DMD: variants seen among roughly 807,000 people sequenced by gnomAD.
DMD encodes the protein mutant dystrophin.
Under a neutral mutation model 330.1 loss-of-function variants are expected in DMD, and 63 were observed. That is an observed-to-expected ratio of 0.19 (90% confidence interval 0.16 to 0.24). The LOEUF (loss-of-function observed/expected upper bound fraction) is 0.24, where lower values mean the gene tolerates loss of function less well. DMD is among the 10% of genes least tolerant of loss of function. DMD has a pLI of 1.00. For synonymous variants in DMD, 1,223 were observed against 959.8 expected (o/e 1.27, Z -5.07); for missense variants, 3,344 against 2,684.1 (o/e 1.25, Z -5.43).
intron 55 of DMD, among the ~76,000 whole-genome samples, chrX:31,567,902 T>G (rs1434825931): frequency 9.0e-6 from 1 of 111,454 alleles, no homozygotes; most frequent in African/African-American, 3.2e-5. Flanking sequence ...TTAAGGAAGC[T>G]TAATCTTTAA....
chrX:32,592,070 G>C (rs192412666), intron 13 of DMD, among the ~76,000 whole-genome samples: 62 of 111,839 alleles, frequency 5.5e-4, no homozygotes, highest in African/African-American at 2.0e-3. Flanking sequence ...TTCGGTGTGG[G>C]CCTGCAGGTA....
chrX:33,141,444 T>G (rs1166180325), intron 1 of DMD, among the ~76,000 whole-genome samples: 5 of 111,629 alleles, frequency 4.5e-5, no homozygotes, highest in Non-Finnish European at 7.5e-5. Flanking sequence ...TTTGCTGCTC[T>G]CACCAATACA....
chrX:33,051,492 G>C (rs1450311512), intron 1 of DMD, among the ~76,000 whole-genome samples: 1 of 109,601 alleles, frequency 9.1e-6, no homozygotes, highest in Non-Finnish European at 1.9e-5. Context: ...GATTACAGGA[G>C]TGAGCCCCTG....
In DMD at chrX:33,211,520, A is replaced by G. The variant is rs758680430; in HGVS notation, c.-208T>C. 5 of 1,075,380 alleles carry G rather than the reference A, an allele frequency of 4.6e-6. No homozygotes were observed. Among genetic ancestry groups the G allele is most frequent in the Non-Finnish European group, 6.0e-6 (5 of 829,014 alleles). 88.6% of individuals were successfully genotyped at this position (1,075,380 alleles called of 1,213,427 possible). Reference sequence around the variant, plus strand: ...CTGTAGGGGGAAAGTGAGTGATCCCAACACTGAGTGAGTCAACACAGTAAC... The same window carrying G: ...CTGTAGGGGGAAAGTGAGTGATCCCGACACTGAGTGAGTCAACACAGTAAC... On this transcript the variant is annotated 5_prime_UTR_variant, in exon 1 of 79. Coordinates refer to ENST00000357033, the MANE Select transcript of DMD (RefSeq NM_004006.3).
intron 51 of DMD, among the ~76,000 whole-genome samples, chrX:31,769,673 C>CTT (rs1733470213): frequency 8.9e-6 from 1 of 112,053 alleles, no homozygotes; most frequent in Admixed American, 9.5e-5. Context: ...ACATTCAAAG[C>CTT]CATCCTGGGA....
At chrX:32,076,086 A>G (rs201237850) in intron 44 of DMD, among the ~76,000 whole-genome samples, 244 of 81,714 alleles carry the variant, frequency 3.0e-3, no homozygotes, top group East Asian at 0.012. Flanking sequence ...AAAAAAAAAA[A>G]AGAGAGAGAG....
intron 2 of DMD, among the ~76,000 whole-genome samples, chrX:32,933,434 A>G (rs2089753863): frequency 8.9e-6 from 1 of 112,121 alleles, no homozygotes; most frequent in Non-Finnish European, 1.9e-5. Context: ...GAACTGTAGG[A>G]AATTCAATGC....
At chrX:33,055,666 C>T (rs1001452824) in intron 1 of DMD, among the ~76,000 whole-genome samples, 1 of 111,359 alleles carries the variant, frequency 9.0e-6, no homozygotes, top group Non-Finnish European at 1.9e-5. Context: ...CCAGGACTTG[C>T]GGGCTACTAT....
At chrX:31,167,600 T>C (rs983102085) in intron 74 of DMD, among the ~76,000 whole-genome samples, 5 of 112,000 alleles carry the variant, frequency 4.5e-5, no homozygotes, top group African/African-American at 1.6e-4. Context: ...CCTACAATAA[T>C]TACAGATTTA....
chrX:31,606,183 C>A (rs958392991), intron 55 of DMD, among the ~76,000 whole-genome samples: 1 of 111,734 alleles, frequency 8.9e-6, no homozygotes, highest in Non-Finnish European at 1.9e-5. Flanking sequence ...TTCCCCTTCA[C>A]CTTCTGCCAT....
At chrX:31,769,860 A>G (rs978820502) in intron 51 of DMD, among the ~76,000 whole-genome samples, 2 of 111,946 alleles carry the variant, frequency 1.8e-5, no homozygotes, top group Non-Finnish European at 3.8e-5. Context: ...TCTATTGTCA[A>G]TAGAACCCAG....
chrX:32,878,436 T>C (rs1301149757), intron 2 of DMD, among the ~76,000 whole-genome samples: 1 of 111,936 alleles, frequency 8.9e-6, no homozygotes, highest in Non-Finnish European at 1.9e-5. Context: ...GACAGAATGT[T>C]AGAGTTCAAA....
chrX:31,348,333 A>G, intron 61 of DMD: 1 of 433,735 alleles, frequency 2.3e-6, no homozygotes, highest in Non-Finnish European at 4.1e-6. Context: ...TGCAGGAAAC[A>G]ATTATGCATT....
At chrX:32,895,514 C>T (rs1256868663) in intron 2 of DMD, among the ~76,000 whole-genome samples, 5 of 111,188 alleles carry the variant, frequency 4.5e-5, no homozygotes, top group Non-Finnish European at 7.5e-5. Context: ...GAGTTTTGGG[C>T]GTCAAGGTTG....
chrX:32,173,066 G>GGTGTGTGTGT (rs3040089), intron 44 of DMD, among the ~76,000 whole-genome samples: 2,245 of 89,560 alleles, frequency 0.025, 49 homozygotes, highest in African/African-American at 0.053. Context: ...ACCTGATTTT[G>GGTGTGTGTGT]GTGTGTGTGT....
At chrX:31,243,689 A>G (rs555166890) in intron 63 of DMD, among the ~76,000 whole-genome samples, 15 of 112,916 alleles carry the variant, frequency 1.3e-4, no homozygotes, top group African/African-American at 4.8e-4. Flanking sequence ...TGGGAAGGAC[A>G]TGGTTAGATT....
chrX:31,812,042 A>AT (rs200812146), intron 50 of DMD, among the ~76,000 whole-genome samples: 8,745 of 102,908 alleles, frequency 0.085, 284 homozygotes, highest in Middle Eastern at 0.1. Context: ...TAAATTAACC[A>AT]TTTTTTTTTT....
intron 17 of DMD, among the ~76,000 whole-genome samples, chrX:32,532,120 T>C (rs986780038): frequency 2.7e-5 from 3 of 111,249 alleles, no homozygotes; most frequent in Non-Finnish European, 5.7e-5. Context: ...CATGGTGAGC[T>C]CCAAAAGTCT....
At chrX:32,698,078 T>C in intron 8 of DMD, 80 bp from the exon 9 acceptor site, 1 of 1,022,576 alleles carries the variant, frequency 9.8e-7, no homozygotes, top group East Asian at 3.3e-5. Flanking sequence ...CTTTCCAACA[T>C]GGTAGAAAAC....
Sources: gnomAD v4.1 joint callset for allele counts (sites outside exome capture counted in the v4.1 genomes callset) on GRCh38, gnomAD v4.1.1 for gene constraint, MANE v1.5 for transcripts, NCBI Gene and HGNC (gene_info 2026-07-23, HGNC 2026-07-21) for gene names.